SEL1L2: variants seen among roughly 807,000 people sequenced by gnomAD.
The protein encoded by SEL1L2 is protein sel-1 homolog 2.
In SEL1L2, 89 loss-of-function variants were observed where a neutral mutation model predicts 98.8. The ratio of observed to expected loss-of-function variants is 0.90; its 90% CI spans 0.76 to 1.07. The LOEUF (loss-of-function observed/expected upper bound fraction) is 1.07, where lower values mean the gene tolerates loss of function less well. SEL1L2 is among the 50% of genes least tolerant of loss of function. The pLI, the probability that SEL1L2 is intolerant of heterozygous loss-of-function variation, is 0.00. For synonymous variants in SEL1L2, 262 were observed against 278.5 expected, an observed-to-expected ratio of 0.94 and a Z score of 0.59; for missense variants, 788 against 812.0, an observed-to-expected ratio of 0.97 and a Z score of 0.36.
intron 5 of SEL1L2, among the ~76,000 whole-genome samples, chr20:13,907,716 TTC>T (rs2048006033): frequency 8.4e-6 from 1 of 119,294 alleles, no homozygotes; most frequent in Non-Finnish European, 1.8e-5. Context: ...CTTTCTTTCT[TTC>T]TTTCTTTCTT....
chr20:13,977,092 A>T (rs999715788), intron 1 of SEL1L2, among the ~76,000 whole-genome samples: 2 of 152,226 alleles, frequency 1.3e-5, no homozygotes, highest in African/African-American at 4.8e-5. Context: ...AGGAGGAAGT[A>T]ACCTTGAAAA....
At chr20:13,976,320 GTTGT>G (rs1601007476) in intron 1 of SEL1L2, among the ~76,000 whole-genome samples, 1 of 151,822 alleles carries the variant, frequency 6.6e-6, no homozygotes, top group Non-Finnish European at 1.5e-5. Context: ...TGTTGTTGTT[GTTGT>G]TTGTCTGTTT....
chr20:13,899,291 T>C (rs1293035400), intron 5 of SEL1L2, among the ~76,000 whole-genome samples: 2 of 152,188 alleles, frequency 1.3e-5, no homozygotes, highest in Non-Finnish European at 2.9e-5. Flanking sequence ...TATGGATGTC[T>C]GTTGTGGTTT....
At chr20:13,905,871 C>CT (rs903449859) in intron 5 of SEL1L2, among the ~76,000 whole-genome samples, 10,057 of 123,730 alleles carry the variant, frequency 0.081, 548 homozygotes, top group Non-Finnish European at 0.1. Context: ...TTTTCTTTTC[C>CT]TTTTTTTTTT....
chr20:13,852,452 C>T (rs1217110687), intron 18 of SEL1L2, among the ~76,000 whole-genome samples: 1 of 152,092 alleles, frequency 6.6e-6, no homozygotes. Context: ...TAGTACTAGA[C>T]TAGAAAAGAC....
chr20:13,971,395 T>C (rs2051276230), intron 1 of SEL1L2, among the ~76,000 whole-genome samples: 2 of 152,174 alleles, frequency 1.3e-5, no homozygotes, highest in Admixed American at 1.3e-4. Flanking sequence ...ACTATTTTTA[T>C]AGTTTTGTTT....
In SEL1L2 at chr20:13,925,411, GTTAAGGT is replaced by G. The variant is rs374624405; in HGVS notation, c.283+6185_283+6191del. ...AATCTGTATGAGGGTCAGGGCTGTG[GTTAAGGT>G]TTTACCAGGGAGAGGTTTTTCCCTG... On this transcript the variant is annotated intron_variant, in intron 3 of 19. Transcript: ENST00000284951. Among the ~76,000 whole-genome samples the G allele has an allele frequency of 3.3e-5, 5 of 152,338 alleles. No individual in the cohort carries two copies. In the East Asian group the frequency reaches 9.6e-4, roughly 29 times the overall value.
chr20:13,893,766 A>G (rs1261840529), intron 5 of SEL1L2, among the ~76,000 whole-genome samples: 2 of 152,244 alleles, frequency 1.3e-5, no homozygotes, highest in East Asian at 3.8e-4. Flanking sequence ...TCCAAGATAG[A>G]TCATATTTTG....
At chr20:13,960,839 C>T (rs2050745201) in intron 1 of SEL1L2, among the ~76,000 whole-genome samples, 1 of 152,076 alleles carries the variant, frequency 6.6e-6, no homozygotes, top group East Asian at 1.9e-4. Context: ...TAAAAAATCT[C>T]CTTCATTATC....
intron 3 of SEL1L2, among the ~76,000 whole-genome samples, chr20:13,928,642 A>G (rs537740805): frequency 9.8e-5 from 15 of 152,350 alleles, no homozygotes; most frequent in African/African-American, 3.6e-4. Context: ...TCTAACAAGA[A>G]CATGGGTAAA....
At chr20:13,910,432 C>T (rs1430117903) in intron 5 of SEL1L2, among the ~76,000 whole-genome samples, 1 of 152,124 alleles carries the variant, frequency 6.6e-6, no homozygotes, top group Non-Finnish European at 1.5e-5. Flanking sequence ...GAAGTAACTT[C>T]TTCAGAGATA....
At chr20:13,920,191 G>A (rs1259943022) in intron 3 of SEL1L2, among the ~76,000 whole-genome samples, 1 of 138,870 alleles carries the variant, frequency 7.2e-6, no homozygotes, top group Admixed American at 7.9e-5. Context: ...TCAGGCCACT[G>A]CACTCCAGCC....
At position 13,933,636 on chromosome 20, in the gene SEL1L2, C is replaced by A. The variant is rs1255632576; in HGVS notation, c.115-1865G>T. Among the ~76,000 whole-genome samples, 3 of 152,118 alleles carry A rather than the reference C, an allele frequency of 2.0e-5. No homozygotes were observed. The East Asian group carries it at 5.8e-4, about 29-fold the overall frequency. On this transcript the variant is annotated intron_variant, in intron 2 of 19. Coordinates refer to ENST00000284951, the MANE Select transcript of SEL1L2 (RefSeq NM_025229.2). ...CTATGGCCAAATAAAATAATATGCT[C>A]CATGGCTGTCATTCAGGGACCCAAG...
In SEL1L2 at chr20:13,906,340, T is replaced by C. The variant is rs995290256; in HGVS notation, c.549+7442A>G. On this transcript the variant is annotated intron_variant, in intron 5 of 19. Coordinates refer to ENST00000284951, the MANE Select transcript of SEL1L2 (RefSeq NM_025229.2). ...TAATAACAATTTAAACATTAAATAT[T>C]CCTCCTTCTACTTTTTATATAAGAA... Among the ~76,000 whole-genome samples, 9 of 152,282 alleles carry C rather than the reference T, an allele frequency of 5.9e-5. No individual in the cohort carries two copies. The East Asian group carries it at 9.6e-4, about 16-fold the overall frequency.
At position 13,919,030 on chromosome 20, in the gene SEL1L2, T is replaced by C. The variant is rs1405094086; in HGVS notation, c.377A>G (p.Gln126Arg). The change falls in exon 4 of 20, where the codon CAA becomes CGA. Residue 126 changes from glutamine to arginine, a missense_variant. Gln to Arg is a conservative substitution (Grantham distance 43, BLOSUM62 1). Coordinates refer to ENST00000284951, the MANE Select transcript of SEL1L2 (RefSeq NM_025229.2). Reference protein sequence around the residue: ...KVLQQSKSQKQKEEAYLLFAK... With the variant: ...KVLQQSKSQKRKEEAYLLFAK... ...CTGGATAAAGACTTACTCTTCTTTTTGTTTTTGGCTTTTAGACTGCTGGAG... is the reference window on the plus strand; with the variant it reads ...CTGGATAAAGACTTACTCTTCTTTTCGTTTTTGGCTTTTAGACTGCTGGAG... 6.2e-7 allele frequency: 1 copy of C among 1,609,964 alleles called. No individual in the cohort carries two copies. The highest frequency in any genetic ancestry group is 8.5e-7 in the Non-Finnish European group (1 of 1,177,450).
chr20:13,850,493 A>G (rs1988070244), intron 18 of SEL1L2, among the ~76,000 whole-genome samples, 174 bp from the exon 19 acceptor site: 1 of 152,214 alleles, frequency 6.6e-6, no homozygotes. Flanking sequence ...GAGTTATCTC[A>G]GGGCTGGGGA....
At chr20:13,978,716 AAAAAT>A (rs2051664371) in intron 1 of SEL1L2, among the ~76,000 whole-genome samples, 2 of 152,128 alleles carry the variant, frequency 1.3e-5, no homozygotes, top group Admixed American at 6.5e-5. Context: ...TATACAAATA[AAAAAT>A]AAAATAAAAA....
At chr20:13,973,244 T>C (rs185053806) in intron 1 of SEL1L2, 10 of 152,370 alleles carry the variant, frequency 6.6e-5, no homozygotes, top group African/African-American at 2.2e-4. Flanking sequence ...TCTTGTTTCA[T>C]GGATTAAGTA....
At chr20:13,929,819 C>T (rs1229513874) in intron 3 of SEL1L2, among the ~76,000 whole-genome samples, 1 of 151,188 alleles carries the variant, frequency 6.6e-6, no homozygotes, top group Non-Finnish European at 1.5e-5. Flanking sequence ...GAGACGGGGT[C>T]TCCCTCTGTC....
Sources: gnomAD v4.1 joint callset for allele counts (sites outside exome capture counted in the v4.1 genomes callset) on GRCh38, gnomAD v4.1.1 for gene constraint, MANE v1.5 for transcripts, NCBI Gene and HGNC (gene_info 2026-07-23, HGNC 2026-07-21) for gene names.